The following MAGI2 variants were observed in gnomAD, a reference collection of about 807,000 sequenced individuals.
MAGI2 encodes the protein membrane associated guanylate kinase, WW and PDZ domain containing 2.
In MAGI2, 35 loss-of-function variants were observed where a neutral mutation model predicts 133.3. The observed-to-expected ratio is 0.26, with a 90% CI of 0.20 to 0.35. MAGI2 has a LOEUF of 0.35. MAGI2 is among the 10% of genes least tolerant of loss of function. The pLI, the probability that MAGI2 is intolerant of heterozygous loss-of-function variation, is 1.00. For missense variants in MAGI2, 1,636 were observed against 1,863.4 expected, an observed-to-expected ratio of 0.88 and a Z score of 2.25; for synonymous variants, 729 against 710.6, an observed-to-expected ratio of 1.03 and a Z score of -0.41.
intron 1 of MAGI2, among the ~76,000 whole-genome samples, chr7:79,242,250 G>T (rs769359413): frequency 1.3e-5 from 2 of 151,848 alleles, no homozygotes; most frequent in Admixed American, 6.6e-5. Flanking sequence ...AGCCCACAAT[G>T]TATATATATA....
intron 1 of MAGI2, among the ~76,000 whole-genome samples, chr7:79,018,238 G>A (rs536487464): frequency 3.4e-4 from 51 of 151,998 alleles, no homozygotes; most frequent in Non-Finnish European, 6.6e-4. Flanking sequence ...GAGATTGGGG[G>A]AATTCAGCAT....
chr7:78,547,832 C>T (rs1344701230), intron 3 of MAGI2, among the ~76,000 whole-genome samples: 4 of 152,164 alleles, frequency 2.6e-5, no homozygotes, highest in East Asian at 1.9e-4. Context: ...TTTCTGACAT[C>T]GATGTTATAA....
intron 2 of MAGI2, among the ~76,000 whole-genome samples, chr7:78,714,914 T>C (rs1819555871): frequency 6.6e-6 from 1 of 152,214 alleles, no homozygotes; most frequent in Non-Finnish European, 1.5e-5. Context: ...GTCAGCTTTT[T>C]TATTTCTAAG....
chr7:79,158,483 C>T (rs996442860), intron 1 of MAGI2, among the ~76,000 whole-genome samples: 10 of 151,948 alleles, frequency 6.6e-5, no homozygotes, highest in Non-Finnish European at 1.3e-4. Context: ...GAATTGTTTG[C>T]ATTTTTTTGC....
At chr7:78,127,665 C>A (rs1821129675) in intron 18 of MAGI2, among the ~76,000 whole-genome samples, 1 of 152,148 alleles carries the variant, frequency 6.6e-6, no homozygotes. Context: ...CAACCAGAAC[C>A]TTGTGAAAAA....
At chr7:78,073,603 T>G (rs1468819257) in intron 21 of MAGI2, among the ~76,000 whole-genome samples, 1 of 152,206 alleles carries the variant, frequency 6.6e-6, no homozygotes, top group Non-Finnish European at 1.5e-5. Context: ...TCCACTTTGG[T>G]CTGAACTGCT....
At chr7:78,133,485 A>T (rs1337073081) in intron 17 of MAGI2, among the ~76,000 whole-genome samples, 1 of 152,180 alleles carries the variant, frequency 6.6e-6, no homozygotes, top group Non-Finnish European at 1.5e-5. Context: ...GAACCATAAA[A>T]AGAAAAATGT....
intron 21 of MAGI2, among the ~76,000 whole-genome samples, chr7:78,069,289 T>A (rs1159720021): frequency 7.2e-5 from 11 of 152,044 alleles, no homozygotes; most frequent in Non-Finnish European, 1.6e-4. Context: ...AGCAGATACG[T>A]CCGGCAATCC....
chr7:79,239,488 C>T (rs762120128), intron 1 of MAGI2, among the ~76,000 whole-genome samples: 2 of 152,042 alleles, frequency 1.3e-5, no homozygotes, highest in African/African-American at 2.4e-5. Context: ...CTTTACCGAC[C>T]GTAATACACC....
intron 1 of MAGI2, among the ~76,000 whole-genome samples, chr7:79,324,819 G>C (rs1839560998): frequency 6.8e-6 from 1 of 148,078 alleles, no homozygotes. Context: ...GAAAACCTTA[G>C]CATCTTCAGG....
intron 1 of MAGI2, among the ~76,000 whole-genome samples, chr7:79,279,381 C>T (rs1835462956): frequency 6.6e-6 from 1 of 152,140 alleles, no homozygotes; most frequent in Non-Finnish European, 1.5e-5. Flanking sequence ...CAATCATACT[C>T]CCTATTGTCA....
At chr7:78,412,773 T>TA (rs1797981074) in intron 6 of MAGI2, among the ~76,000 whole-genome samples, 2 of 152,030 alleles carry the variant, frequency 1.3e-5, no homozygotes, top group Admixed American at 1.3e-4. Flanking sequence ...AGGGAGAAAA[T>TA]ACTGTTTTCA....
intron 1 of MAGI2, among the ~76,000 whole-genome samples, chr7:79,141,234 G>C (rs1433094906): frequency 2.0e-5 from 3 of 152,048 alleles, no homozygotes; most frequent in African/African-American, 7.2e-5. Flanking sequence ...ATCTTCATCA[G>C]GTGCAACATT....
At chr7:79,306,051 G>C (rs1456195912) in intron 1 of MAGI2, among the ~76,000 whole-genome samples, 2 of 149,648 alleles carry the variant, frequency 1.3e-5, no homozygotes, top group Non-Finnish European at 3.0e-5. Context: ...CTGTTGCCCA[G>C]GTTGGAGTGC....
intron 6 of MAGI2, among the ~76,000 whole-genome samples, chr7:78,480,797 A>G (rs1792285550): frequency 6.6e-6 from 1 of 151,954 alleles, no homozygotes; most frequent in African/African-American, 2.4e-5. Context: ...AGAGACTGAA[A>G]TTAAAAACAC....
intron 2 of MAGI2, among the ~76,000 whole-genome samples, chr7:78,760,208 T>A (rs529425100): frequency 6.6e-6 from 1 of 152,222 alleles, no homozygotes; most frequent in South Asian, 2.1e-4. Flanking sequence ...ATAACCTGTA[T>A]TTTTTTCATT....
chr7:79,171,762 ATATATATATTT>A (rs1334602012), intron 1 of MAGI2, among the ~76,000 whole-genome samples: 11 of 28,772 alleles, frequency 3.8e-4, no homozygotes, highest in East Asian at 2.1e-3. Flanking sequence ...ATATATATAT[ATATATATATTT>A]TTTTTTTTTT....
At chr7:79,445,312 A>T (rs1218314439) in intron 1 of MAGI2, among the ~76,000 whole-genome samples, 25 of 152,188 alleles carry the variant, frequency 1.6e-4, no homozygotes, top group Admixed American at 1.6e-3. Flanking sequence ...AAAATTGACA[A>T]ATGGGATCTA....
intron 1 of MAGI2, among the ~76,000 whole-genome samples, chr7:79,155,388 A>C (rs1823672481): frequency 6.6e-6 from 1 of 152,166 alleles, no homozygotes; most frequent in Non-Finnish European, 1.5e-5. Context: ...AAGGTTCCTA[A>C]CTGCCTAGAG....
Sources: gnomAD v4.1 joint callset for allele counts (sites outside exome capture counted in the v4.1 genomes callset) on GRCh38, gnomAD v4.1.1 for gene constraint, MANE v1.5 for transcripts, NCBI Gene and HGNC (gene_info 2026-07-23, HGNC 2026-07-21) for gene names.